Variants in TXLNB observed in about 807,000 individuals in gnomAD.
TXLNB encodes the protein taxilin beta, also known as beta-taxilin.
Under a neutral mutation model 57.4 loss-of-function variants are expected in TXLNB, and 37 were observed. The ratio of observed to expected loss-of-function variants is 0.64; its 90% CI spans 0.50 to 0.85. The LOEUF (loss-of-function observed/expected upper bound fraction) is 0.85. Ranked by LOEUF, TXLNB falls within the 40% of genes least tolerant of loss-of-function variation. TXLNB has a pLI of 0.00. For synonymous variants in TXLNB, 302 were observed against 309.6 expected (o/e 0.98, Z 0.26); for missense variants, 848 against 825.6 (o/e 1.03, Z -0.33).
At chr6:139,312,153 T>C in the TXLNB span, among the ~76,000 whole-genome samples, 1 of 152,212 alleles carries the variant, frequency 6.6e-6, no homozygotes, top group Admixed American at 6.5e-5. Flanking sequence ...CTATTATGTT[T>C]TGGTGTCATA....
chr6:139,294,713 G>A (rs1054262759), upstream of TXLNB, among the ~76,000 whole-genome samples: 1 of 152,078 alleles, frequency 6.6e-6, no homozygotes, highest in Admixed American at 6.6e-5. Flanking sequence ...TTGTTGGCCC[G>A]GCACGCTGGC....
chr6:139,218,951 T>C, the TXLNB span, among the ~76,000 whole-genome samples: 1 of 152,156 alleles, frequency 6.6e-6, no homozygotes, highest in South Asian at 2.1e-4. Flanking sequence ...CTGAGTTCTT[T>C]GAGTATATTT....
At chr6:139,208,526 A>G in the TXLNB span, among the ~76,000 whole-genome samples, 2 of 152,226 alleles carry the variant, frequency 1.3e-5, no homozygotes, top group Non-Finnish European at 2.9e-5. Context: ...TGATGAACAT[A>G]GATGCAAAAA....
At chr6:139,189,073 C>G in the TXLNB span, among the ~76,000 whole-genome samples, 108,538 of 152,238 alleles carry the variant, frequency 0.71, 39,946 homozygotes, top group African/African-American at 0.86. Flanking sequence ...TCTTTAACCT[C>G]GTATTCTATG....
chr6:139,174,594 A>G, the TXLNB span: 4 of 1,583,426 alleles, frequency 2.5e-6, no homozygotes, highest in Admixed American at 3.5e-5. Flanking sequence ...TCTGTCCCCA[A>G]GTGAATGTAG....
chr6:139,279,203 G>C (rs1387938603), intron 2 of TXLNB, among the ~76,000 whole-genome samples: 1 of 152,202 alleles, frequency 6.6e-6, no homozygotes, highest in Non-Finnish European at 1.5e-5. Flanking sequence ...AAATGAGTGA[G>C]TCCAAAGGTT....
chr6:139,215,754 T>C, the TXLNB span, among the ~76,000 whole-genome samples: 1 of 152,196 alleles, frequency 6.6e-6, no homozygotes, highest in African/African-American at 2.4e-5. Flanking sequence ...ATCCAGAATC[T>C]ATAATGAACT....
chr6:139,166,904 T>C, the TXLNB span: 13 of 1,613,948 alleles, frequency 8.1e-6, no homozygotes, highest in African/African-American at 1.5e-4. Context: ...CGGGGAGTTC[T>C]TAAAGAACGC....
the TXLNB span, chr6:139,177,212 A>T: frequency 1.6e-6 from 1 of 639,390 alleles, no homozygotes; most frequent in African/African-American, 1.8e-5. The surrounding 1 kb of genome is among the most constrained non-coding windows in gnomAD (Gnocchi z 4.9). Context: ...AATTTAAAGG[A>T]GAGTTACTTT....
At chr6:139,292,086 GCACACA>G (rs760910211), upstream of TXLNB, 10 of 144,596 alleles carry the variant, frequency 6.9e-5, no homozygotes, top group East Asian at 2.0e-4. The surrounding 1 kb of genome is among the most constrained non-coding windows in gnomAD (Gnocchi z 4.0). Context: ...GCACGCGCGC[GCACACA>G]CACACACACA....
At chr6:139,236,445 T>G (rs918648904), downstream of TXLNB, among the ~76,000 whole-genome samples, 1 of 152,084 alleles carries the variant, frequency 6.6e-6, no homozygotes, top group Non-Finnish European at 1.5e-5. Flanking sequence ...TAAGGGAACT[T>G]TTCCCATTTC....
At chr6:139,226,341 AG>A in the TXLNB span, among the ~76,000 whole-genome samples, 1 of 144,396 alleles carries the variant, frequency 6.9e-6, no homozygotes, top group South Asian at 2.3e-4. Flanking sequence ...ATAGAGAGAG[AG>A]AGAAAGACAC....
the TXLNB span, among the ~76,000 whole-genome samples, chr6:139,198,663 C>T: frequency 1.2e-3 from 176 of 152,274 alleles, no homozygotes; most frequent in Middle Eastern, 0.01. Context: ...GAGACCAATG[C>T]AGGAGAAGGG....
chr6:139,242,705 T>C lies in TXLNB; in HGVS notation c.1876A>G (p.Met626Val). The C allele has an allele frequency of 6.2e-7, 1 of 1,611,356 alleles. No individual in the cohort carries two copies. The highest frequency in any genetic ancestry group is 8.5e-7 in the Non-Finnish European group (1 of 1,179,090). Residue 626 changes from methionine (M) to valine (V), a missense_variant, in exon 10 of 10, where the codon ATG (methionine) becomes GTG (valine). By Grantham distance (21) the Met-to-Val change is conservative. Coordinates refer to ENST00000358430, the MANE Select transcript of TXLNB (RefSeq NM_153235.4). ...QAPTEASLQK[M>V]EADVPAPACA... Reference sequence around the variant, plus strand: ...GCTGGAGCAGGCACATCTGCCTCCATCTTCTGTAGGGAGGCCTCGGTGGGA... The same window carrying C: ...GCTGGAGCAGGCACATCTGCCTCCACCTTCTGTAGGGAGGCCTCGGTGGGA...
the TXLNB span, among the ~76,000 whole-genome samples, chr6:139,226,103 G>A: frequency 5.3e-5 from 8 of 151,738 alleles, no homozygotes; most frequent in South Asian, 8.3e-4. Flanking sequence ...GTTCAAGACC[G>A]ACCTGGAGAA....
chr6:139,313,504 G>C, the TXLNB span, among the ~76,000 whole-genome samples: 4 of 152,292 alleles, frequency 2.6e-5, no homozygotes, highest in African/African-American at 9.6e-5. Flanking sequence ...TTCAGAATGT[G>C]TATCAGGTGA....
downstream of TXLNB, among the ~76,000 whole-genome samples, chr6:139,237,780 C>T (rs9495389): frequency 0.032 from 4,810 of 151,952 alleles, 275 homozygotes; most frequent in African/African-American, 0.11. Flanking sequence ...GGTAATTGAA[C>T]ATTATATCAC....
the TXLNB span, among the ~76,000 whole-genome samples, chr6:139,209,725 A>G: frequency 6.6e-6 from 1 of 152,240 alleles, no homozygotes. Flanking sequence ...CTCAGGGTGG[A>G]TCAAAGACTT....
the TXLNB span, among the ~76,000 whole-genome samples, chr6:139,302,126 C>T: frequency 1.3e-5 from 2 of 151,706 alleles, no homozygotes; most frequent in Non-Finnish European, 2.9e-5. Flanking sequence ...GTATATTTAG[C>T]TAAAAATAAG....
Sources: gnomAD v4.1 joint callset for allele counts (sites outside exome capture counted in the v4.1 genomes callset) on GRCh38, gnomAD v4.1.1 for gene constraint, Gnocchi (gnomAD v3.1) non-coding constraint, MANE v1.5 for transcripts, NCBI Gene and HGNC (gene_info 2026-07-23, HGNC 2026-07-21) for gene names.